OXR1: variants seen among roughly 807,000 people sequenced by gnomAD.
OXR1 encodes the protein oxidation resistance protein 1.
OXR1 carries 41 observed loss-of-function variants against 104.6 expected under a neutral mutation model. The observed-to-expected ratio is 0.39, with a 90% CI of 0.31 to 0.51. OXR1 has a LOEUF of 0.51. OXR1 is among the 20% of genes least tolerant of loss of function. The pLI is 0.77. For synonymous variants in OXR1, 348 were observed against 348.4 expected, an observed-to-expected ratio of 1.00 and a Z score of 0.01; for missense variants, 955 against 1,031.9, an observed-to-expected ratio of 0.93 and a Z score of 1.02.
chr8:106,337,900 G>A (rs2130251990), intron 1 of OXR1, among the ~76,000 whole-genome samples: 1 of 152,122 alleles, frequency 6.6e-6, no homozygotes, highest in South Asian at 2.1e-4. Flanking sequence ...AATTATAATA[G>A]CTACTTAAAA....
At chr8:106,650,081 G>A (rs188273834) in intron 3 of OXR1, among the ~76,000 whole-genome samples, 28 of 152,162 alleles carry the variant, frequency 1.8e-4, no homozygotes, top group African/African-American at 4.6e-4. Flanking sequence ...TATTTCTTGC[G>A]TTGAACTTCA....
At chr8:106,367,069 T>A (rs945575737) in intron 2 of OXR1, among the ~76,000 whole-genome samples, 2 of 150,698 alleles carry the variant, frequency 1.3e-5, no homozygotes, top group African/African-American at 4.9e-5. Context: ...TTTCCCTTTT[T>A]TTTTTTTTTT....
intron 2 of OXR1, among the ~76,000 whole-genome samples, chr8:106,379,424 G>C (rs1271474844): frequency 6.6e-6 from 1 of 151,786 alleles, no homozygotes; most frequent in Non-Finnish European, 1.5e-5. Context: ...GTAAGATCAT[G>C]CTTTTATTCC....
chr8:106,706,630 T>G lies in OXR1; in HGVS notation c.1109T>G (p.Val370Gly). 6.2e-7 allele frequency: 1 copy of G among 1,613,458 alleles called. No individual in the cohort carries two copies. Among genetic ancestry groups the G allele is most frequent in the Admixed American group, 1.7e-5 (1 of 59,830 alleles). ...DKSSGASSES[V>G]QTVNQAEVES... is the part of the protein sequence containing the mutation. ...TCTTCTGGTGCGTCATCAGAATCTG[T>G]GCAAACTGTCAATCAGGCTGAAGTA... is the stretch of plus-strand genomic sequence containing the variant. Residue 370 changes from valine to glycine, a missense_variant, in exon 9 of 17, where the codon GTG becomes GGG. Physicochemically the swap from Val to Gly is moderately radical, Grantham distance 109. This residue lies in a region of OXR1 where 849 missense variants were observed against 852.9 expected (regional missense o/e 1.00). Transcript: ENST00000517566.
intron 1 of OXR1, among the ~76,000 whole-genome samples, chr8:106,355,694 TTTTTTC>T (rs1815938466): frequency 6.6e-6 from 1 of 152,204 alleles, no homozygotes; most frequent in East Asian, 1.9e-4. Flanking sequence ...CATGTAAGTT[TTTTTTC>T]TTTTTCTTTT....
intron 1 of OXR1, among the ~76,000 whole-genome samples, chr8:106,281,789 G>A (rs1333320128): frequency 1.8e-5 from 2 of 108,578 alleles, no homozygotes; most frequent in Admixed American, 1.3e-4. Context: ...GACAGAGCAA[G>A]ACTCTATCTC....
intron 1 of OXR1, among the ~76,000 whole-genome samples, chr8:106,348,627 TATATC>T (rs1815596949): frequency 6.6e-6 from 1 of 152,160 alleles, no homozygotes; most frequent in South Asian, 2.1e-4. Context: ...CATTGATAAA[TATATC>T]AAAACAGCTG....
intron 2 of OXR1, among the ~76,000 whole-genome samples, chr8:106,477,685 A>C (rs1037674503): frequency 1.3e-5 from 2 of 151,924 alleles, no homozygotes; most frequent in Non-Finnish European, 2.9e-5. Context: ...AATTATCACA[A>C]ATCTCCAAAA....
At chr8:106,305,556 A>G (rs1017504163) in intron 1 of OXR1, among the ~76,000 whole-genome samples, 2 of 152,178 alleles carry the variant, frequency 1.3e-5, no homozygotes, top group African/African-American at 2.4e-5. Flanking sequence ...GATTAAAATA[A>G]TATTTAATGA....
At chr8:106,707,215 C>CA in intron 9 of OXR1, 70 bp downstream of exon 9, 1 of 1,449,892 alleles carries the variant, frequency 6.9e-7, no homozygotes, top group Non-Finnish European at 9.6e-7. Context: ...CTCACTGACT[C>CA]AAAAGCCGCT....
chr8:106,622,534 T>C (rs1179882820), intron 3 of OXR1, among the ~76,000 whole-genome samples: 1 of 150,834 alleles, frequency 6.6e-6, no homozygotes, highest in African/African-American at 2.4e-5. Context: ...CCGACTTCAC[T>C]AGTCTCTTTG....
intron 1 of OXR1, among the ~76,000 whole-genome samples, chr8:106,322,430 C>T (rs1363493929): frequency 6.6e-6 from 1 of 152,186 alleles, no homozygotes; most frequent in Non-Finnish European, 1.5e-5. Context: ...ATCAAGCCCA[C>T]AGCCAACATT....
At chr8:106,634,234 AACAATATGCTCCCTCT>A (rs1288301780) in intron 3 of OXR1, among the ~76,000 whole-genome samples, 2 of 152,202 alleles carry the variant, frequency 1.3e-5, no homozygotes, top group Admixed American at 6.5e-5. Flanking sequence ...TCCAAAAACT[AACAATATGCTCCCTCT>A]GAGGGTCCTG....
At chr8:106,678,017 A>G (rs1587057203) in intron 3 of OXR1, among the ~76,000 whole-genome samples, 1 of 152,156 alleles carries the variant, frequency 6.6e-6, no homozygotes, top group Middle Eastern at 3.4e-3. Flanking sequence ...AGTGGAAGGG[A>G]TTTAAACCCA....
At chr8:106,693,337 G>A (rs765872326) in intron 7 of OXR1, among the ~76,000 whole-genome samples, 4 of 151,428 alleles carry the variant, frequency 2.6e-5, no homozygotes, top group Admixed American at 6.6e-5. Context: ...TTTTCCACAG[G>A]GAAAAACAAA....
chr8:106,295,148 G>T (rs914399832), intron 1 of OXR1, among the ~76,000 whole-genome samples: 2 of 152,110 alleles, frequency 1.3e-5, no homozygotes, highest in African/African-American at 2.4e-5. Context: ...ACACTGCTGG[G>T]CATAATGGTT....
intron 1 of OXR1, among the ~76,000 whole-genome samples, chr8:106,311,267 G>A (rs1036236685): frequency 2.6e-5 from 4 of 151,664 alleles, no homozygotes; most frequent in African/African-American, 4.8e-5. Flanking sequence ...TTCTTATATC[G>A]GTTATAGTGT....
At chr8:106,329,933 T>C (rs1297780722) in intron 1 of OXR1, among the ~76,000 whole-genome samples, 1 of 151,946 alleles carries the variant, frequency 6.6e-6, no homozygotes, top group Non-Finnish European at 1.5e-5. Context: ...AAAAGTGACA[T>C]ATTCACCACA....
chr8:106,511,697 C>T (rs1467942413), intron 2 of OXR1, among the ~76,000 whole-genome samples: 3 of 152,164 alleles, frequency 2.0e-5, no homozygotes, highest in Non-Finnish European at 4.4e-5. Context: ...TTTACAATAG[C>T]TTTCTTAGGT....
Sources: gnomAD v4.1 joint callset for allele counts (sites outside exome capture counted in the v4.1 genomes callset) on GRCh38, gnomAD v4.1.1 for gene constraint, gnomAD v4.1.1 regional missense constraint, MANE v1.5 for transcripts, NCBI Gene and HGNC (gene_info 2026-07-23, HGNC 2026-07-21) for gene names.